The following DST variants were observed in gnomAD, a reference collection of about 807,000 sequenced individuals.
The protein encoded by DST is bullous pemphigoid antigen.
DST carries 253 observed loss-of-function variants against 875.2 expected under a neutral mutation model. That is an observed-to-expected ratio of 0.29 (90% CI 0.26 to 0.32). The LOEUF is 0.32. Among genes scored for constraint, DST ranks in the 10% least tolerant of loss-of-function variants. The pLI, the probability that DST is intolerant of heterozygous loss-of-function variation, is 1.00. For missense variants in DST, 8,287 were observed against 9,111.6 expected (o/e 0.91, Z 3.68); for synonymous variants, 3,124 against 3,197.1 (o/e 0.98, Z 0.77).
intron 71 of DST, among the ~76,000 whole-genome samples, chr6:56,516,079 T>C (rs1353134310): frequency 6.6e-6 from 1 of 151,580 alleles, no homozygotes; most frequent in Non-Finnish European, 1.5e-5. Context: ...CATATATATG[T>C]GTATATGTGT....
At chr6:56,797,645 C>A (rs2099741574) in intron 4 of DST, among the ~76,000 whole-genome samples, 2 of 151,950 alleles carry the variant, frequency 1.3e-5, no homozygotes, top group Non-Finnish European at 2.9e-5. Flanking sequence ...ATGGCAAAAC[C>A]CTATCTCTAC....
intron 2 of DST, among the ~76,000 whole-genome samples, chr6:56,945,173 A>G (rs1173889067): frequency 6.6e-6 from 1 of 152,264 alleles, no homozygotes; most frequent in Non-Finnish European, 1.5e-5. Context: ...GAATGTCTCC[A>G]TAACTTATAG....
chr6:56,771,669 C>T (rs2099665763), intron 4 of DST, among the ~76,000 whole-genome samples: 2 of 152,132 alleles, frequency 1.3e-5, no homozygotes, highest in Non-Finnish European at 2.9e-5. Context: ...ATACAAAATG[C>T]ACACATGTAA....
At chr6:56,619,947 C>A (rs1563241728) in intron 36 of DST, 1 of 1,614,080 alleles carries the variant, frequency 6.2e-7, no homozygotes. Flanking sequence ...TGTTTGAGTT[C>A]TTCTGCTTTC....
At chr6:56,922,805 T>G (rs1804981794) in intron 2 of DST, among the ~76,000 whole-genome samples, 1 of 152,124 alleles carries the variant, frequency 6.6e-6, no homozygotes, top group African/African-American at 2.4e-5. Flanking sequence ...AAAAGAAAAA[T>G]GGATGAGCTT....
At chr6:56,854,501 C>T (rs185802142) in intron 3 of DST, among the ~76,000 whole-genome samples, 300 of 151,124 alleles carry the variant, frequency 2.0e-3, no homozygotes, top group African/African-American at 6.8e-3. Flanking sequence ...AGCAATTAAA[C>T]AAAAATGTTA....
chr6:56,916,516 C>A (rs796824484), intron 2 of DST, among the ~76,000 whole-genome samples: 23 of 152,194 alleles, frequency 1.5e-4, no homozygotes, highest in African/African-American at 5.3e-4. Context: ...CTTTGGGAGG[C>A]CAAGGCGAGC....
intron 47 of DST, among the ~76,000 whole-genome samples, chr6:56,595,683 C>G (rs1411226949): frequency 1.3e-5 from 2 of 152,170 alleles, no homozygotes; most frequent in Non-Finnish European, 2.9e-5. Flanking sequence ...CTGTCTATAA[C>G]AGTGCCCGCC....
At chr6:56,881,889 C>T (rs1313020153) in intron 3 of DST, among the ~76,000 whole-genome samples, 1 of 152,036 alleles carries the variant, frequency 6.6e-6, no homozygotes, top group Non-Finnish European at 1.5e-5. Flanking sequence ...TTCATAGAGA[C>T]CAAAAAAAGC....
At chr6:56,665,749 T>C (rs2099069253) in intron 10 of DST, among the ~76,000 whole-genome samples, 1 of 152,166 alleles carries the variant, frequency 6.6e-6, no homozygotes, top group Non-Finnish European at 1.5e-5. Flanking sequence ...GCTCACTACG[T>C]GGGTGACAGG....
At chr6:56,826,036 G>A (rs1353893236) in intron 4 of DST, among the ~76,000 whole-genome samples, 2 of 152,068 alleles carry the variant, frequency 1.3e-5, no homozygotes, top group Non-Finnish European at 2.9e-5. Flanking sequence ...CAAAACAAAC[G>A]GATCCTTTGG....
chr6:56,794,739 G>C (rs1055996617), intron 4 of DST, among the ~76,000 whole-genome samples: 16 of 152,114 alleles, frequency 1.1e-4, no homozygotes, highest in African/African-American at 3.9e-4. Context: ...CATGACAAGA[G>C]ACATAAATGA....
At chr6:56,601,034 C>T (rs368352673) in intron 44 of DST, among the ~76,000 whole-genome samples, 5 of 152,004 alleles carry the variant, frequency 3.3e-5, no homozygotes, top group African/African-American at 1.2e-4. Flanking sequence ...ATGAGTAGTG[C>T]AGCTGGGATG....
chr6:56,702,013 G>T, intron 7 of DST, 48 bp from the exon 8 acceptor site: 2 of 1,080,012 alleles, frequency 1.9e-6, no homozygotes, highest in South Asian at 1.3e-5. Context: ...TGTTATCACA[G>T]ACCATGCTAA....
chr6:56,472,180 T>C lies in DST; in HGVS notation c.22037A>G (p.Gln7346Arg). The change falls in exon 94 of 104, where the codon CAG (glutamine) becomes CGG (arginine). Residue 7346 changes from glutamine (Q) to arginine (R), a missense_variant. Gln to Arg is a conservative substitution (Grantham distance 43). Transcript: ENST00000680361. ...AGGATTTTTGGTTTCAATTTGTGTCTGTGACCCAGAGGGATACAAGCTTGA... is the reference window on the plus strand; with the variant it reads ...AGGATTTTTGGTTTCAATTTGTGTCCGTGACCCAGAGGGATACAAGCTTGA... ...PASSLYPSGS[Q>R]TQIETKNPRV... The C allele has an allele frequency of 6.2e-7, 1 of 1,613,940 alleles. No homozygotes were observed. Among genetic ancestry groups the C allele is most frequent in the Non-Finnish European group, 8.5e-7 (1 of 1,179,848 alleles).
In DST at chr6:56,597,988, G is replaced by C; in HGVS notation, c.11947C>G (p.Leu3983Val). ...TCTATTTTGGTTTTGCTCTCTTCCA[G>C]CTGCTTCACTGCTGCTACCTGGGAA... Reference protein sequence around the residue: ...ETEKVAAVKQLEESKTKIENL... With the variant: ...ETEKVAAVKQVEESKTKIENL... Residue 3983 changes from leucine to valine, a missense_variant, in exon 47 of 104, where the codon CTG becomes GTG. Coordinates refer to ENST00000680361, the MANE Select transcript of DST (RefSeq NM_001374736.1). 6.3e-7 allele frequency: 1 copy of C among 1,599,480 alleles called. No homozygotes were observed. The highest frequency in any genetic ancestry group is 1.3e-5 in the African/African-American group (1 of 74,666).
chr6:56,906,029 G>T (rs1259416723), intron 2 of DST, among the ~76,000 whole-genome samples: 2 of 152,146 alleles, frequency 1.3e-5, no homozygotes, highest in Non-Finnish European at 2.9e-5. Context: ...GAAAAATGCT[G>T]CAATGAACAT....
chr6:56,830,132 C>T (rs1471809944), intron 4 of DST, among the ~76,000 whole-genome samples: 2 of 152,090 alleles, frequency 1.3e-5, no homozygotes, highest in Non-Finnish European at 2.9e-5. Context: ...CTTGTAATTA[C>T]ATGGAAAAAT....
intron 3 of DST, among the ~76,000 whole-genome samples, chr6:56,876,910 C>G (rs774340171): frequency 2.0e-5 from 3 of 152,122 alleles, no homozygotes; most frequent in Non-Finnish European, 4.4e-5. Context: ...CTATATCCTC[C>G]CCAGCTTACT....
Sources: allele counts gnomAD v4.1 joint callset (sites outside exome capture counted in the v4.1 genomes callset), GRCh38; gene constraint gnomAD v4.1.1; transcripts MANE v1.5; gene names NCBI Gene and HGNC (gene_info 2026-07-23, HGNC 2026-07-21).